Variants in SEMA4G observed in about 807,000 individuals in gnomAD.
SEMA4G encodes the protein semaphorin-4G.
SEMA4G carries 59 observed loss-of-function variants against 81.2 expected under a neutral mutation model. That is an observed-to-expected ratio of 0.73 (90% CI 0.59 to 0.90). SEMA4G has a LOEUF of 0.90. SEMA4G is among the 40% of genes least tolerant of loss of function. The pLI is 0.00. For missense variants in SEMA4G, 952 were observed against 1,102.3 expected (o/e 0.86, Z 1.93); for synonymous variants, 404 against 433.9 (o/e 0.93, Z 0.86).
chr10:100,976,948 G>C (rs886513209), intron 3 of SEMA4G, among the ~76,000 whole-genome samples: 2 of 152,168 alleles, frequency 1.3e-5, no homozygotes, highest in Non-Finnish European at 2.9e-5. Flanking sequence ...ATTTGGACTG[G>C]GTGCTGGTGG....
rs775542275 is a variant in SEMA4G, at chr10:100,983,484, C to A, written c.1870C>A (p.Pro624Thr). ...CGGGCTGCTGGTTACAGATGCACAG[C>A]CTGAGCACAGTGGCAACTATGGCTG... Residue 624 changes from proline to threonine, a missense_variant, in exon 14 of 14, where the codon CCT becomes ACT. Coordinates refer to ENST00000370250, the Ensembl canonical transcript of SEMA4G. The A allele has an allele frequency of 1.4e-5, 22 of 1,614,062 alleles. No homozygotes were observed. The highest frequency in any genetic ancestry group is 3.3e-5 in the Admixed American group (2 of 60,004).
In SEMA4G at chr10:100,973,523, G is replaced by C; in HGVS notation, c.274-24G>C. On this transcript the variant is annotated intron_variant, in intron 2 of 13. Transcript: ENST00000370250. This position sits in a 1 kb window ranked among gnomAD's most constrained non-coding sequence, Gnocchi z 5.5. ...AATAGGTATTGGGGTCAGTGCATCA[G>C]CCTATTCCCTTTGCCTCCACTAGAT... 1 of 1,611,764 alleles carries C rather than the reference G, an allele frequency of 6.2e-7. No homozygotes were observed. Among genetic ancestry groups the C allele is most frequent in the Non-Finnish European group, 8.5e-7 (1 of 1,177,862 alleles).
intron 9 of SEMA4G, 53 bp downstream of exon 10, chr10:100,980,045 T>C: frequency 6.2e-7 from 1 of 1,613,420 alleles, no homozygotes; most frequent in Non-Finnish European, 8.5e-7. Flanking sequence ...CAGGGAAGGG[T>C]CAAAGGGTCT....
chr10:100,978,523 C>T lies in SEMA4G; in HGVS notation c.530-4C>T. The T allele has an allele frequency of 6.2e-7, 1 of 1,613,458 alleles. No homozygotes were observed. The highest frequency in any genetic ancestry group is 1.1e-5 in the South Asian group (1 of 91,070). On this transcript the variant is annotated splice_region_variant and splice_polypyrimidine_tract_variant and intron_variant, in intron 5 of 13. Transcript: ENST00000370250. Reference sequence around the variant, plus strand: ...CTCTCATGCCTGGAATATCCCCACGCCAGATGGAGGCCTCTACACAGCCAC... The same window carrying T: ...CTCTCATGCCTGGAATATCCCCACGTCAGATGGAGGCCTCTACACAGCCAC...
chr10:100,985,042 C>T, downstream of SEMA4G: 1 of 855,834 alleles, frequency 1.2e-6, no homozygotes, highest in East Asian at 2.8e-5. Context: ...GTGGACATTT[C>T]AGAGGGAGAT....
chr10:100,979,760 G>T (rs1850967811), intron 8 of SEMA4G, 88 bp from the exon 10 acceptor site: 27 of 1,517,370 alleles, frequency 1.8e-5, no homozygotes, highest in Non-Finnish European at 2.3e-5. Flanking sequence ...GGTTGGCCAG[G>T]GTAACAGTGA....
intron 13 of SEMA4G, chr10:100,981,668 G>A (rs2133891383): frequency 8.1e-7 from 1 of 1,228,202 alleles, no homozygotes; most frequent in East Asian, 2.5e-5. Flanking sequence ...TTATGAGAAA[G>A]GTGCCATTAT....
rs1307898484 is a variant in SEMA4G, at chr10:100,980,916, G to A, written c.1562G>A (p.Arg521Gln). ...TCCTGCTATGACTGCATCTTGGCCC[G>A]AGACCCCTACTGTGGCTGGGACCCT... Residue 521 changes from arginine to glutamine, a missense_variant, in exon 12 of 14, where the codon CGA (arginine) becomes CAA (glutamine). Arg to Gln is a conservative substitution (Grantham distance 43, BLOSUM62 1). Transcript: ENST00000370250. 2.0e-5 allele frequency: 32 copies of A among 1,612,250 alleles called. No individual in the cohort carries two copies. The highest frequency in any genetic ancestry group is 5.5e-5 in the South Asian group (5 of 90,978).
intron 11 of SEMA4G, 56 bp from the exon 13 acceptor site, chr10:100,980,766 C>T (rs1480377353): frequency 6.2e-7 from 1 of 1,602,614 alleles, no homozygotes; most frequent in Admixed American, 1.7e-5. Context: ...TGGGCAGAGG[C>T]TGTGTATCTG....
At chr10:100,970,061 G>A (rs571085558), upstream of SEMA4G, 11 of 349,290 alleles carry the variant, frequency 3.1e-5, no homozygotes, top group African/African-American at 2.1e-4. Flanking sequence ...CACTAGGCAG[G>A]TGGACATCTG....
intron 4 of SEMA4G, 100 bp downstream of exon 5, chr10:100,977,830 G>A (rs1002588925): frequency 1.9e-5 from 20 of 1,057,448 alleles, no homozygotes; most frequent in Non-Finnish European, 2.5e-5. Flanking sequence ...TGAAGGAGAC[G>A]GATGGTTTAT....
chr10:100,973,691 G>A lies in SEMA4G; in HGVS notation c.336+82G>A. The A allele has an allele frequency of 7.7e-7, 1 of 1,305,878 alleles. No individual in the cohort carries two copies. Among genetic ancestry groups the A allele is most frequent in the East Asian group, 2.4e-5 (1 of 41,612 alleles). 80.9% of individuals were successfully genotyped at this position (1,305,878 alleles called of 1,614,324 possible). On this transcript the variant is annotated intron_variant, in intron 3 of 13. Coordinates refer to ENST00000370250, the Ensembl canonical transcript of SEMA4G. The surrounding 1 kb of genome is among the most constrained non-coding windows in gnomAD (Gnocchi z 5.5). Reference sequence around the variant, plus strand: ...TGCCAGGATTGTTGGGGACACAGATGGGTAGGTACAGACCTGCCAGTCAAT... The same window carrying A: ...TGCCAGGATTGTTGGGGACACAGATAGGTAGGTACAGACCTGCCAGTCAAT...
At chr10:100,971,096 T>A (rs1447219609), upstream of SEMA4G, among the ~76,000 whole-genome samples, 2 of 147,408 alleles carry the variant, frequency 1.4e-5, no homozygotes, top group Non-Finnish European at 3.0e-5. Flanking sequence ...ATCCACGTGT[T>A]CACAGTCCTC....
chr10:100,982,216 G>A (rs1851121780), intron 13 of SEMA4G, among the ~76,000 whole-genome samples: 1 of 152,018 alleles, frequency 6.6e-6, no homozygotes, highest in Non-Finnish European at 1.5e-5. Context: ...CAAGCAGAGG[G>A]AGCAGCAGGC....
chr10:100,984,396 G>A, exon 14 of SEMA4G: 3 of 1,457,036 alleles, frequency 2.1e-6, no homozygotes, highest in East Asian at 2.5e-5. Flanking sequence ...TGCAGACCCA[G>A]AGCCAGTTCC....
intron 13 of SEMA4G, chr10:100,981,509 T>G: frequency 6.2e-7 from 1 of 1,614,186 alleles, no homozygotes; most frequent in South Asian, 1.1e-5. Context: ...GTAATGGGTA[T>G]TTCCCCAAGG....
upstream of SEMA4G, among the ~76,000 whole-genome samples, chr10:100,970,656 A>C (rs1193985250): frequency 1.3e-5 from 2 of 152,272 alleles, no homozygotes; most frequent in Admixed American, 6.5e-5. Context: ...TCTGCTCTGC[A>C]TCTCACCCCA....
intron 3 of SEMA4G, 136 bp from the exon 5 acceptor site, chr10:100,977,496 G>C: frequency 1.4e-6 from 1 of 718,508 alleles, no homozygotes; most frequent in Non-Finnish European, 2.5e-6. Flanking sequence ...CTGGAGCAGT[G>C]AGAAGGATCA....
intron 13 of SEMA4G, chr10:100,981,500 T>C: frequency 6.2e-7 from 1 of 1,614,186 alleles, no homozygotes; most frequent in Non-Finnish European, 8.5e-7. Flanking sequence ...TTCAGGACGG[T>C]AATGGGTATT....
Sources: gnomAD v4.1 joint callset for allele counts (sites outside exome capture counted in the v4.1 genomes callset) on GRCh38, gnomAD v4.1.1 for gene constraint, Gnocchi (gnomAD v3.1) non-coding constraint, MANE v1.5 for transcripts, NCBI Gene and HGNC (gene_info 2026-07-23, HGNC 2026-07-21) for gene names.